The following PCNX2 variants were observed in gnomAD, a reference collection of about 807,000 sequenced individuals.
PCNX2 encodes pecanex 2.
Under a neutral mutation model 223.8 loss-of-function variants are expected in PCNX2, and 168 were observed. That is an observed-to-expected ratio of 0.75 (90% CI 0.66 to 0.85). PCNX2 has a LOEUF of 0.85. PCNX2 is among the 40% of genes least tolerant of loss of function. The pLI is 0.00. For synonymous variants in PCNX2, 1,006 were observed against 1,052.6 expected (o/e 0.96, Z 0.86); for missense variants, 2,507 against 2,675.5 (o/e 0.94, Z 1.39).
chr1:233,214,276 G>C (rs1555828), intron 12 of PCNX2, among the ~76,000 whole-genome samples: 20,638 of 152,144 alleles, frequency 0.14, 1,528 homozygotes, highest in East Asian at 0.21. Flanking sequence ...TCATTCTCTT[G>C]CAATCCTGTT....
chr1:233,034,768 G>A (rs1177862324), intron 25 of PCNX2, among the ~76,000 whole-genome samples: 1 of 152,180 alleles, frequency 6.6e-6, no homozygotes, highest in Non-Finnish European at 1.5e-5. Flanking sequence ...AAGGCCTCAT[G>A]AGAGGTACCT....
intron 25 of PCNX2, among the ~76,000 whole-genome samples, chr1:233,049,195 G>A (rs1014997140): frequency 7.2e-5 from 11 of 151,982 alleles, no homozygotes; most frequent in African/African-American, 2.7e-4. Context: ...AAAAGAAAAT[G>A]ACAGGCCAAT....
intron 32 of PCNX2, among the ~76,000 whole-genome samples, chr1:232,989,630 C>A (rs945572865): frequency 6.6e-6 from 1 of 152,154 alleles, no homozygotes; most frequent in African/African-American, 2.4e-5. Flanking sequence ...CTTTCTGCAG[C>A]AAAGGACCCC....
At chr1:233,247,381 C>G (rs1659185541) in intron 8 of PCNX2, among the ~76,000 whole-genome samples, 1 of 152,202 alleles carries the variant, frequency 6.6e-6, no homozygotes, top group Admixed American at 6.5e-5. Flanking sequence ...GATAGCAAAC[C>G]ATGTGTATTA....
intron 8 of PCNX2, among the ~76,000 whole-genome samples, chr1:233,249,906 C>T (rs546984916): frequency 1.3e-5 from 2 of 152,294 alleles, no homozygotes; most frequent in South Asian, 4.1e-4. Context: ...GCACACAGGA[C>T]CCCTCCCCCT....
In PCNX2 at chr1:233,263,007, T is replaced by C. The variant is rs1244826051; in HGVS notation, c.310A>G (p.Lys104Glu). 6.2e-7 allele frequency: 1 copy of C among 1,613,660 alleles called. No homozygotes were observed. Among genetic ancestry groups the C allele is most frequent in the Non-Finnish European group, 8.5e-7 (1 of 1,179,826 alleles). ...TGTTCACCTTTGGCCTCCTTGTCTT[T>C]ATTTGGCTTTTCTTCCTTTCTGGAG... Reference protein sequence around the residue: ...KPSRKEEKPNKDKEAKGEHIT... With the variant: ...KPSRKEEKPNEDKEAKGEHIT... The change falls in exon 2 of 34, where the codon AAA becomes GAA. Residue 104 changes from lysine (K) to glutamate (E), a missense_variant. Physicochemically the swap from Lys to Glu is moderately conservative, Grantham distance 56. Coordinates refer to ENST00000258229, the MANE Select transcript of PCNX2 (RefSeq NM_014801.4).
intron 8 of PCNX2, among the ~76,000 whole-genome samples, chr1:233,239,409 C>T (rs1658623232): frequency 6.6e-6 from 1 of 152,162 alleles, no homozygotes; most frequent in Admixed American, 6.5e-5. Context: ...TTTCTTAGTA[C>T]ATTTCAGATT....
chr1:233,296,947 A>C (rs1662157937), upstream of PCNX2, among the ~76,000 whole-genome samples: 2 of 152,262 alleles, frequency 1.3e-5, no homozygotes, highest in South Asian at 4.1e-4. Context: ...TGTGTCTGCC[A>C]TCAGCTATAA....
rs756055087 is a variant in PCNX2 at position 232,986,178 on chromosome 1, C to A, written c.6154G>T (p.Gly2052Trp). The change falls in exon 33 of 34, where the codon GGG becomes TGG. Residue 2052 changes from glycine (G) to tryptophan (W), a missense_variant. Physicochemically the swap from Gly to Trp is radical, Grantham distance 184. Coordinates refer to ENST00000258229, the MANE Select transcript of PCNX2 (RefSeq NM_014801.4). ...LVISGLSAAE[G>W]GNTSDTQSSS... is the part of the protein sequence containing the mutation. Reference sequence around the variant, plus strand: ...GACTGGGTGTCACTGGTATTGCCCCCCTCCGCAGCAGAGAGTCCGGAAATG... The same window carrying A: ...GACTGGGTGTCACTGGTATTGCCCCACTCCGCAGCAGAGAGTCCGGAAATG... 1.3e-6 allele frequency: 2 copies of A among 1,563,158 alleles called. No homozygotes were observed. Among genetic ancestry groups the A allele is most frequent in the East Asian group, 2.4e-5 (1 of 42,060 alleles).
chr1:232,988,604 A>G (rs1358511659), intron 32 of PCNX2, among the ~76,000 whole-genome samples: 2 of 152,226 alleles, frequency 1.3e-5, no homozygotes, highest in Non-Finnish European at 2.9e-5. Flanking sequence ...TACCTTACAT[A>G]TAAATCACCC....
intron 28 of PCNX2, among the ~76,000 whole-genome samples, chr1:233,012,913 G>A (rs1056148494): frequency 1.3e-5 from 2 of 152,178 alleles, no homozygotes; most frequent in Non-Finnish European, 2.9e-5. Context: ...GTGATTTCAA[G>A]TGCAAGATCC....
At chr1:233,208,217 C>A (rs1453832447) in intron 13 of PCNX2, among the ~76,000 whole-genome samples, 1 of 152,158 alleles carries the variant, frequency 6.6e-6, no homozygotes, top group Non-Finnish European at 1.5e-5. Context: ...CCTCGGCCTC[C>A]CGAAGTGCTA....
In PCNX2 at chr1:233,072,560, G is replaced by A. The variant is rs1672903046; in HGVS notation, c.4077-15270C>T. Among the ~76,000 whole-genome samples the A allele has an allele frequency of 4.6e-5, 7 of 152,136 alleles. No homozygotes were observed. The South Asian group carries it at 1.4e-3, about 31-fold the overall frequency. On this transcript the variant is annotated intron_variant, in intron 23 of 33. Coordinates refer to ENST00000258229, the MANE Select transcript of PCNX2 (RefSeq NM_014801.4). ...GATGGGCATTTAGGCTTATCAGATT[G>A]AGGACATTCTTTTATCCTAGTTTGT... is the stretch of plus-strand genomic sequence containing the variant.
rs1229525728 is a variant in PCNX2, at chr1:233,095,846, G to C, written c.3855C>G (p.His1285Gln). 1 of 1,610,808 alleles carries C rather than the reference G, an allele frequency of 6.2e-7. No individual in the cohort carries two copies. Among genetic ancestry groups the C allele is most frequent in the Non-Finnish European group, 8.5e-7 (1 of 1,178,422 alleles). The part of the protein sequence containing the change: ...ILFSKLGDLL[H>Q]KLQFVLTYVA... Reference sequence around the variant, plus strand: ...CATATGTCAGGACGAACTGTAACTTGTGAAGCAGGTCCCCGAGCTGAAAGT... The same window carrying C: ...CATATGTCAGGACGAACTGTAACTTCTGAAGCAGGTCCCCGAGCTGAAAGT... Residue 1285 changes from histidine (H) to glutamine (Q), a missense_variant, in exon 22 of 34, where the codon CAC (histidine) becomes CAG (glutamine). Physicochemically the swap from His to Gln is conservative, Grantham distance 24. This residue lies in a region of PCNX2 where 1,372 missense variants were observed against 1,509.4 expected (regional missense o/e 0.91). Transcript: ENST00000258229.
At chr1:232,984,945 C>T (rs1669414448) in intron 33 of PCNX2, 2 of 154,248 alleles carry the variant, frequency 1.3e-5, no homozygotes, top group African/African-American at 4.8e-5. Context: ...CCCAGAACTA[C>T]ACCCATAGAT....
At chr1:233,156,938 CA>C (rs988801413) in intron 19 of PCNX2, among the ~76,000 whole-genome samples, 3 of 151,126 alleles carry the variant, frequency 2.0e-5, no homozygotes, top group African/African-American at 7.4e-5. Context: ...AACAAACAAA[CA>C]AAAAACGCAG....
In PCNX2 at chr1:233,008,760, G is replaced by A. The variant is rs143063016; in HGVS notation, c.4952+5905C>T. ...GAAAAGCACTGGGCTGGCAGGAAAG[G>A]GCAAGATGCCATCCCAGGGTTGAAG... On this transcript the variant is annotated intron_variant, in intron 28 of 33. Transcript: ENST00000258229. Among the ~76,000 whole-genome samples, 257 of 152,318 alleles carry A rather than the reference G, an allele frequency of 1.7e-3. 2 individuals carry two copies. The highest frequency in any genetic ancestry group is 3.9e-3 in the Admixed American group (60 of 15,290).
chr1:233,119,403 CAAAAAAAAAAAA>C (rs71173251), intron 21 of PCNX2, among the ~76,000 whole-genome samples: 17 of 38,638 alleles, frequency 4.4e-4, no homozygotes, highest in South Asian at 1.4e-3. Flanking sequence ...ACTAAAAATA[CAAAAAAAAAAAA>C]AAAAAAAAAA....
chr1:233,291,385 G>A (rs567545644), intron 1 of PCNX2, among the ~76,000 whole-genome samples: 11 of 152,220 alleles, frequency 7.2e-5, no homozygotes, highest in South Asian at 6.2e-4. Flanking sequence ...CAAGGCGGGC[G>A]GATCACCTGA....
Sources: allele counts gnomAD v4.1 joint callset (sites outside exome capture counted in the v4.1 genomes callset), GRCh38; gene constraint gnomAD v4.1.1; regional missense constraint gnomAD v4.1.1; transcripts MANE v1.5; gene names NCBI Gene and HGNC (gene_info 2026-07-23, HGNC 2026-07-21).